FAM118A: variants seen among roughly 807,000 people sequenced by gnomAD.
The protein encoded by FAM118A is SIR2 antiphage like 2.
A neutral mutation model predicts 38.2 loss-of-function variants in FAM118A; 25 were observed. That is an observed-to-expected ratio of 0.65 (90% CI 0.48 to 0.91). The LOEUF is 0.91. Among genes scored for constraint, FAM118A ranks in the 40% least tolerant of loss-of-function variants. The pLI is 0.00. For missense variants in FAM118A, 425 were observed against 463.3 expected, an observed-to-expected ratio of 0.92 and a Z score of 0.76; for synonymous variants, 178 against 184.1, an observed-to-expected ratio of 0.97 and a Z score of 0.27.
intron 4 of FAM118A, chr22:45,329,271 T>G (rs2085532726): frequency 6.6e-6 from 1 of 152,244 alleles, no homozygotes; most frequent in African/African-American, 2.4e-5. Flanking sequence ...GGTATGAATG[T>G]TTTAAAGACT....
Position 45,341,142 on chromosome 22 carries a change from A to G in FAM118A, c.*737A>G, listed in dbSNP as rs1360436683. ...TATAATTTGTATGTGGAAACATGTT[A>G]CTATAGAAAGCATTTTAAAGGTACG... On this transcript the variant is annotated 3_prime_UTR_variant, in exon 9 of 9. Coordinates refer to ENST00000441876, the MANE Select transcript of FAM118A (RefSeq NM_017911.4). The G allele has an allele frequency of 6.6e-6, 1 of 152,236 alleles. No individual in the cohort carries two copies. The highest frequency in any genetic ancestry group is 2.4e-5 in the African/African-American group (1 of 41,468). The allele number at this position is 152,236 out of a possible 1,614,324, so 9.4% of individuals were successfully genotyped here. A position where few individuals can be genotyped will look rare whatever the true frequency, so the allele number is the denominator to read the frequency against.
rs2085994024 is a variant in FAM118A at position 45,335,135 on chromosome 22, C to A, written c.938-215C>A. On this transcript the variant is annotated intron_variant, in intron 6 of 8. Coordinates refer to ENST00000441876, the MANE Select transcript of FAM118A (RefSeq NM_017911.4). Reference sequence around the variant, plus strand: ...TGATCGCGGACACCACACCATGCTGCCTTTGCCAGCTGGCTCCTTCAGCGA... The same window carrying A: ...TGATCGCGGACACCACACCATGCTGACTTTGCCAGCTGGCTCCTTCAGCGA... 3 of 569,146 alleles carry A rather than the reference C, an allele frequency of 5.3e-6. No homozygotes were observed. The South Asian group carries it at 6.9e-5, about 13-fold the overall frequency. The allele number at this position is 569,146 out of a possible 1,614,324, so 35.3% of individuals were successfully genotyped here. A position where few individuals can be genotyped will look rare whatever the true frequency, so the allele number is the denominator to read the frequency against.
chr22:45,314,484 C>A (rs2084518798), intron 1 of FAM118A, among the ~76,000 whole-genome samples: 1 of 152,204 alleles, frequency 6.6e-6, no homozygotes, highest in East Asian at 1.9e-4. Flanking sequence ...GGGACATGAG[C>A]CAGGAGTTAC....
chr22:45,331,687 G>A (rs953798033), intron 5 of FAM118A, among the ~76,000 whole-genome samples: 4 of 152,206 alleles, frequency 2.6e-5, no homozygotes, highest in African/African-American at 4.8e-5. Flanking sequence ...GTGTCATTCC[G>A]TGACAGGTGT....
chr22:45,316,102 C>T (rs1020064200), intron 1 of FAM118A, among the ~76,000 whole-genome samples: 7 of 152,094 alleles, frequency 4.6e-5, no homozygotes, highest in African/African-American at 9.7e-5. Flanking sequence ...TGCAGTGGCA[C>T]GATCTCGGCT....
rs1452507838 is a variant in FAM118A, at chr22:45,335,228, G to A, written c.938-122G>A. On this transcript the variant is annotated intron_variant, in intron 6 of 8. Transcript: ENST00000441876. ...CAGCGCAGGAGTCCGCAGCCCGCGC[G>A]GGCTGACCTGCCCAGAAGCCTGTTC... 14 of 1,061,536 alleles carry A rather than the reference G, an allele frequency of 1.3e-5. No homozygotes were observed. The East Asian group carries it at 1.9e-4, about 14-fold the overall frequency. 65.8% of individuals were successfully genotyped at this position (1,061,536 alleles called of 1,614,324 possible).
At chr22:45,327,463 G>A (rs1370675102) in intron 3 of FAM118A, among the ~76,000 whole-genome samples, 2 of 152,200 alleles carry the variant, frequency 1.3e-5, no homozygotes, top group East Asian at 1.9e-4. Context: ...GACCTGGGAC[G>A]TACCTGAGCC....
chr22:45,340,240 G>T, intron 8 of FAM118A, 146 bp from the exon 9 acceptor site: 1 of 809,058 alleles, frequency 1.2e-6, no homozygotes, highest in Non-Finnish European at 2.0e-6. Flanking sequence ...CCAGACAGTG[G>T]CTACTGTTTC....
chr22:45,316,932 C>T (rs2084633681), intron 1 of FAM118A, among the ~76,000 whole-genome samples: 1 of 152,170 alleles, frequency 6.6e-6, no homozygotes, highest in Non-Finnish European at 1.5e-5. Context: ...GTAAATGTGA[C>T]ACCACTCACT....
intron 7 of FAM118A, 68 bp downstream of exon 7, chr22:45,335,450 CTG>C (rs932735990): frequency 1.3e-6 from 2 of 1,552,398 alleles, no homozygotes; most frequent in African/African-American, 2.7e-5. Flanking sequence ...CTGTCACTAA[CTG>C]TAAAATCATA....
At chr22:45,336,294 T>C (rs200928841) in intron 7 of FAM118A, 34 bp from the exon 8 acceptor site, 17 of 1,571,568 alleles carry the variant, frequency 1.1e-5, no homozygotes, top group Non-Finnish European at 1.4e-5. Context: ...GGATTCTGAA[T>C]AAACAAGCTT....
chr22:45,320,788 C>T (rs1241995785), intron 1 of FAM118A, among the ~76,000 whole-genome samples: 3 of 152,160 alleles, frequency 2.0e-5, no homozygotes, highest in Non-Finnish European at 2.9e-5. Context: ...CGAGCACTGA[C>T]GTGTTCTGCT....
chr22:45,336,467 C>T (rs565147156), intron 8 of FAM118A, 56 bp downstream of exon 8: 104 of 1,389,582 alleles, frequency 7.5e-5, no homozygotes, highest in Admixed American at 1.5e-4. Context: ...TGTTGGCAGG[C>T]ATCTTCAGGG....
intron 8 of FAM118A, among the ~76,000 whole-genome samples, chr22:45,337,389 G>A (rs958059198): frequency 2.0e-5 from 3 of 152,210 alleles, no homozygotes; most frequent in African/African-American, 7.2e-5. Context: ...CTGCGGATGT[G>A]TCCTCAATGT....
At chr22:45,310,354 C>G (rs1288987322) in intron 1 of FAM118A, among the ~76,000 whole-genome samples, 171 bp downstream of exon 1, 1 of 151,758 alleles carries the variant, frequency 6.6e-6, no homozygotes, top group Non-Finnish European at 1.5e-5. Context: ...TCCAGGCCCG[C>G]GAACCCCGAA....
intron 6 of FAM118A, among the ~76,000 whole-genome samples, chr22:45,334,529 GCTT>G (rs1289441198): frequency 1.3e-5 from 2 of 152,204 alleles, no homozygotes; most frequent in African/African-American, 4.8e-5. Flanking sequence ...TAGGGCAACA[GCTT>G]CTTATTAAGG....
intron 8 of FAM118A, among the ~76,000 whole-genome samples, chr22:45,337,140 C>T (rs2086161849): frequency 1.3e-5 from 2 of 152,202 alleles, no homozygotes; most frequent in South Asian, 4.1e-4. Context: ...CCACACGAAG[C>T]CTGGGCTGGA....
At chr22:45,340,336 CT>C in intron 8 of FAM118A, 49 bp from the exon 9 acceptor site, 1 of 1,610,064 alleles carries the variant, frequency 6.2e-7, no homozygotes, top group Non-Finnish European at 8.5e-7. Flanking sequence ...CAAATAACTT[CT>C]TTTAGCTGGA....
chr22:45,330,344 G>A, intron 4 of FAM118A: 1 of 232,042 alleles, frequency 4.3e-6, no homozygotes, highest in Non-Finnish European at 8.3e-6. Context: ...TTGCTATCAT[G>A]GGACCAGCAT....
Sources: allele counts gnomAD v4.1 joint callset (sites outside exome capture counted in the v4.1 genomes callset), GRCh38; gene constraint gnomAD v4.1.1; transcripts MANE v1.5; gene names NCBI Gene and HGNC (gene_info 2026-07-23, HGNC 2026-07-21).